DNASE1: variants seen among roughly 807,000 people sequenced by gnomAD.
DNASE1 encodes deoxyribonuclease 1.
In DNASE1, 40 loss-of-function variants were observed where a neutral mutation model predicts 33.9. That is an observed-to-expected ratio of 1.18 (90% CI 0.92 to 1.54). The LOEUF is 1.54. Among genes scored for constraint, DNASE1 ranks in the 40% most tolerant of loss-of-function variants. The pLI is 0.00. For missense variants in DNASE1, 518 were observed against 372.6 expected, an observed-to-expected ratio of 1.39 and a Z score of -3.21; for synonymous variants, 216 against 160.0, an observed-to-expected ratio of 1.35 and a Z score of -2.64.
At chr16:3,663,055 ACCT>A (rs570548394), downstream of DNASE1, 356 of 1,001,646 alleles carry the variant, frequency 3.6e-4, 4 homozygotes, top group South Asian at 4.4e-3. Flanking sequence ...TCCAGCTCCC[ACCT>A]CCTCTCCCAC....
Position 3,655,523 on chromosome 16 carries a change from G to C in DNASE1, c.147+3G>C. 1 of 1,614,078 alleles carries C rather than the reference G, an allele frequency of 6.2e-7. No individual in the cohort carries two copies. On this transcript the variant is annotated splice_donor_region_variant and intron_variant, in intron 2 of 8. Coordinates refer to ENST00000246949, the MANE Select transcript of DNASE1 (RefSeq NM_005223.4). ...CCCTCGTCAGCTACATTGTGCAGGTGAGGCCAGGGCAGCCTCCCCCCAAAA... is the reference window on the plus strand; with the variant it reads ...CCCTCGTCAGCTACATTGTGCAGGTCAGGCCAGGGCAGCCTCCCCCCAAAA...
intron 1 of DNASE1, among the ~76,000 whole-genome samples, chr16:3,616,795 A>G (rs147840013): frequency 3.3e-5 from 5 of 152,344 alleles, no homozygotes; most frequent in Non-Finnish European, 1.5e-5. Flanking sequence ...GCATAAGGAT[A>G]GACATATGGG....
In DNASE1 at chr16:3,655,422, C is replaced by A. The variant is rs2042536245; in HGVS notation, c.49C>A (p.Leu17Met). The A allele has an allele frequency of 6.2e-7, 1 of 1,613,958 alleles. No individual in the cohort carries two copies. Among genetic ancestry groups the A allele is most frequent in the African/African-American group, 1.3e-5 (1 of 74,946 alleles). ...GGCGCTGCTGGCACTGGCGGCCCTA[C>A]TGCAGGGGGCCGTGTCCCTGAAGAT... ...LGALLALAAL[L>M]QGAVSLKIAA... The change falls in exon 2 of 9, where the codon CTG (leucine) becomes ATG (methionine). Residue 17 changes from leucine (L) to methionine (M), a missense_variant. Physicochemically the swap from Leu to Met is conservative, Grantham distance 15. Transcript: ENST00000246949.
downstream of DNASE1, chr16:3,662,290 A>G: frequency 1.2e-6 from 1 of 863,316 alleles, no homozygotes; most frequent in East Asian, 2.7e-5. Context: ...TTACCCACTA[A>G]CTTGTGGGCC....
At position 3,663,484 on chromosome 16, in the gene DNASE1, C is replaced by A. The variant is rs758474019; in HGVS notation, c.*5531C>A. ...TGATCCACGACTATGTCCGTCTCCACAGAGATCAGCTTCTTCTTGTCAAAC... is the reference window on the plus strand; with the variant it reads ...TGATCCACGACTATGTCCGTCTCCAAAGAGATCAGCTTCTTCTTGTCAAAC... On this transcript the variant is annotated 3_prime_UTR_variant, in exon 10 of 10. Coordinates refer to the DNASE1 transcript ENST00000407479. 1 of 1,614,196 alleles carries A rather than the reference C, an allele frequency of 6.2e-7. No homozygotes were observed. Among genetic ancestry groups the A allele is most frequent in the Non-Finnish European group, 8.5e-7 (1 of 1,180,038 alleles).
At position 3,633,084 on chromosome 16, in the gene DNASE1, C is replaced by G. The variant is rs8046205; in HGVS notation, c.-1358-7631C>G. ...ATTTTTGAATATATTCTGACATTCT[C>G]TATTACTTATTTGATGTATTTAGAA... is the stretch of plus-strand genomic sequence containing the variant. On this transcript the variant is annotated intron_variant and NMD_transcript_variant, in intron 1 of 11. Coordinates refer to the DNASE1 transcript ENST00000570769. Among the ~76,000 whole-genome samples the G allele has an allele frequency of 9.0e-3, 1,371 of 152,206 alleles. 22 individuals are homozygous for G. The highest frequency in any genetic ancestry group is 0.031 in the African/African-American group (1,278 of 41,528).
At chr16:3,616,418 C>G (rs777224061) in intron 1 of DNASE1, among the ~76,000 whole-genome samples, 1 of 152,134 alleles carries the variant, frequency 6.6e-6, no homozygotes, top group East Asian at 1.9e-4. Context: ...GTCAGGAGTT[C>G]GAGACCAGCC....
chr16:3,622,903 A>G (rs1011518361), intron 1 of DNASE1, among the ~76,000 whole-genome samples: 2 of 152,206 alleles, frequency 1.3e-5, no homozygotes, highest in African/African-American at 4.8e-5. Context: ...AGGTTCTTCA[A>G]AGCTGGAGGC....
intron 1 of DNASE1, among the ~76,000 whole-genome samples, chr16:3,635,012 C>T (rs1029443944): frequency 6.6e-6 from 1 of 151,988 alleles, no homozygotes; most frequent in Non-Finnish European, 1.5e-5. Context: ...TGATGCCAAA[C>T]TTAGTGCAGA....
At chr16:3,664,396 G>C (rs1373284470) in exon 10 of DNASE1, 3 of 1,612,498 alleles carry the variant, frequency 1.9e-6, no homozygotes, top group South Asian at 1.1e-5. Flanking sequence ...TATTCTGAGA[G>C]GCTGGTTAGC....
rs988050856 is a variant in DNASE1, at chr16:3,654,791, C to G, written c.-255C>G. On this transcript the variant is annotated 5_prime_UTR_variant, in exon 1 of 9. Transcript: ENST00000246949. Reference sequence around the variant, plus strand: ...ACACAGAGCCATTGTTTTCTGCACTCTCAGGTGACGGCTCACATTTGCCCC... The same window carrying G: ...ACACAGAGCCATTGTTTTCTGCACTGTCAGGTGACGGCTCACATTTGCCCC... The G allele has an allele frequency of 5.5e-5, 22 of 401,680 alleles. No homozygotes were observed. The highest frequency in any genetic ancestry group is 8.8e-6 in the Non-Finnish European group (2 of 228,342). The allele number at this position is 401,680 out of a possible 1,614,324, so 24.9% of individuals were successfully genotyped here.
In DNASE1 at chr16:3,654,707, C is replaced by A. The variant is rs768099065; in HGVS notation, c.-339C>A. On this transcript the variant is annotated 5_prime_UTR_variant, in exon 1 of 9. Coordinates refer to ENST00000246949, the MANE Select transcript of DNASE1 (RefSeq NM_005223.4). ...TTATCAGGTGCAGTTTTTACAGCAG[C>A]AAGAAACCTGTGCTTACAGAAAGAA... is the stretch of plus-strand genomic sequence containing the variant. The A allele has an allele frequency of 1.5e-4, 59 of 399,328 alleles. No individual in the cohort carries two copies. The highest frequency in any genetic ancestry group is 2.4e-4 in the Non-Finnish European group (54 of 226,770). The allele number at this position is 399,328 out of a possible 1,614,324, so 24.7% of individuals were successfully genotyped here. A position where few individuals can be genotyped will look rare whatever the true frequency, so the allele number is the denominator to read the frequency against.
At chr16:3,658,334 G>T, downstream of DNASE1, 1 of 918,512 alleles carries the variant, frequency 1.1e-6, no homozygotes, top group Non-Finnish European at 1.7e-6. Context: ...GAGTGCAGAG[G>T]CACGATCTCG....
chr16:3,625,015 A>G (rs2041459859), intron 1 of DNASE1, among the ~76,000 whole-genome samples: 1 of 152,044 alleles, frequency 6.6e-6, no homozygotes, highest in South Asian at 2.1e-4. Flanking sequence ...TCTTATTAAA[A>G]CTTAATGGGG....
downstream of DNASE1, chr16:3,660,624 G>T (rs951661771): frequency 3.3e-5 from 5 of 152,240 alleles, no homozygotes; most frequent in African/African-American, 4.8e-5. Flanking sequence ...GCGCTGCTGT[G>T]CACTGACAGC....
chr16:3,646,339 C>A (rs1319651838), intron 1 of DNASE1, among the ~76,000 whole-genome samples: 1 of 152,108 alleles, frequency 6.6e-6, no homozygotes, highest in African/African-American at 2.4e-5. Context: ...CAAGAAAGAC[C>A]ACTACTTTCT....
rs575581109 is a variant in DNASE1 at position 3,615,343 on chromosome 16, C to T, written c.-1359+3337C>T. ...TAACTGGGGCACCTGCTTCTTTGGG[C>T]TAAAGGTGAACAATGGCAGCCACCT... On this transcript the variant is annotated intron_variant and NMD_transcript_variant, in intron 1 of 11. Transcript: ENST00000570769. Among the ~76,000 whole-genome samples the T allele has an allele frequency of 2.0e-5, 3 of 152,242 alleles. No homozygotes were observed. The East Asian group carries it at 5.8e-4, about 29-fold the overall frequency.
At chr16:3,663,093 G>C (rs924102148), downstream of DNASE1, 10 of 762,956 alleles carry the variant, frequency 1.3e-5, no homozygotes, top group Middle Eastern at 7.5e-4. Context: ...AAGCTAGCAA[G>C]ATGCTTTTCA....
At chr16:3,613,258 A>G (rs928916524) in intron 1 of DNASE1, among the ~76,000 whole-genome samples, 3 of 152,084 alleles carry the variant, frequency 2.0e-5, no homozygotes, top group African/African-American at 7.2e-5. Flanking sequence ...CTGGGCTTTT[A>G]TTAAGCATGT....
Sources: allele counts gnomAD v4.1 joint callset (sites outside exome capture counted in the v4.1 genomes callset), GRCh38; gene constraint gnomAD v4.1.1; transcripts MANE v1.5; gene names NCBI Gene and HGNC (gene_info 2026-07-23, HGNC 2026-07-21).